The following PCDH9 variants were observed in gnomAD, a reference collection of about 807,000 sequenced individuals.
PCDH9 encodes protocadherin 9.
Under a neutral mutation model 70.6 loss-of-function variants are expected in PCDH9, and 24 were observed. The ratio of observed to expected loss-of-function variants is 0.34; its 90% confidence interval spans 0.25 to 0.48. The LOEUF (loss-of-function observed/expected upper bound fraction) is 0.48. Among genes scored for constraint, PCDH9 ranks in the 20% least tolerant of loss-of-function variants. The pLI is 0.99. For missense variants in PCDH9, 1,281 were observed against 1,503.6 expected (o/e 0.85, Z 2.45); for synonymous variants, 562 against 558.5 (o/e 1.01, Z -0.09).
At chr13:67,081,358 C>T (rs2085979425) in intron 2 of PCDH9, among the ~76,000 whole-genome samples, 1 of 152,162 alleles carries the variant, frequency 6.6e-6, no homozygotes, top group South Asian at 2.1e-4. Context: ...CACCTGAGGT[C>T]AAGAGCTCGA....
intron 3 of PCDH9, among the ~76,000 whole-genome samples, chr13:66,804,862 G>A (rs78443965): frequency 5.3e-5 from 8 of 152,072 alleles, no homozygotes; most frequent in Middle Eastern, 3.4e-3. Flanking sequence ...TTTCAAACAC[G>A]TTTGAGAGTG....
intron 2 of PCDH9, among the ~76,000 whole-genome samples, chr13:67,102,691 T>G (rs539898171): frequency 1.4e-4 from 21 of 152,268 alleles, no homozygotes; most frequent in African/African-American, 4.8e-4. Flanking sequence ...CAGGAATGAT[T>G]GAAACATTCT....
At chr13:66,986,342 A>T (rs923555744) in intron 2 of PCDH9, among the ~76,000 whole-genome samples, 1 of 152,046 alleles carries the variant, frequency 6.6e-6, no homozygotes, top group African/African-American at 2.4e-5. Flanking sequence ...TTGGGTGGGG[A>T]CACAGGCAAA....
At chr13:67,214,342 G>A (rs1012491522) in intron 2 of PCDH9, 2 of 152,132 alleles carry the variant, frequency 1.3e-5, no homozygotes, top group African/African-American at 4.8e-5. Context: ...ACTTCAACAG[G>A]GATGCTTTCC....
intron 3 of PCDH9, among the ~76,000 whole-genome samples, chr13:66,754,478 CAG>C (rs1390514826): frequency 6.6e-6 from 1 of 151,618 alleles, no homozygotes; most frequent in East Asian, 1.9e-4. Flanking sequence ...ATTGTAGGAT[CAG>C]GGAAGAGGCG....
At chr13:66,707,838 GT>G in intron 3 of PCDH9, among the ~76,000 whole-genome samples, 1 of 152,058 alleles carries the variant, frequency 6.6e-6, no homozygotes, top group Non-Finnish European at 1.5e-5. Flanking sequence ...TATTTACAAG[GT>G]TTAATATGCT....
At chr13:67,073,548 T>G (rs1256712990) in intron 2 of PCDH9, among the ~76,000 whole-genome samples, 1 of 152,072 alleles carries the variant, frequency 6.6e-6, no homozygotes, top group Non-Finnish European at 1.5e-5. Context: ...CCTTTAAAAT[T>G]TATTTGCTTT....
chr13:66,665,818 G>A (rs1288734876), intron 3 of PCDH9, among the ~76,000 whole-genome samples: 4 of 151,920 alleles, frequency 2.6e-5, no homozygotes, highest in African/African-American at 9.7e-5. Context: ...ATGCTAGAAA[G>A]ACTGGTTTAC....
At chr13:66,800,828 A>C (rs2080315002) in intron 3 of PCDH9, among the ~76,000 whole-genome samples, 1 of 152,092 alleles carries the variant, frequency 6.6e-6, no homozygotes, top group Admixed American at 6.6e-5. Context: ...TTCCTCACTT[A>C]AAAAGAGGAT....
intron 4 of PCDH9, among the ~76,000 whole-genome samples, chr13:66,548,848 A>G (rs1213488041): frequency 2.0e-5 from 3 of 152,142 alleles, no homozygotes; most frequent in African/African-American, 7.2e-5. Flanking sequence ...ACTTGAAAAG[A>G]ATCTTGAAGT....
intron 2 of PCDH9, among the ~76,000 whole-genome samples, chr13:67,138,087 TA>T (rs369877934): frequency 4.6e-5 from 7 of 151,640 alleles, no homozygotes; most frequent in East Asian, 1.9e-4. Flanking sequence ...TTAGCTAAAT[TA>T]AAAAAAAATT....
At chr13:66,477,216 C>A (rs1444831444) in intron 4 of PCDH9, among the ~76,000 whole-genome samples, 2 of 151,994 alleles carry the variant, frequency 1.3e-5, no homozygotes, top group African/African-American at 4.8e-5. Flanking sequence ...GTCAGACATA[C>A]CTGAAGGGTC....
intron 4 of PCDH9, among the ~76,000 whole-genome samples, chr13:66,354,322 A>G (rs1956343716): frequency 6.6e-6 from 1 of 152,174 alleles, no homozygotes; most frequent in African/African-American, 2.4e-5. Flanking sequence ...GGTATTTCAC[A>G]CTATACCAAT....
At chr13:66,332,809 CAT>C (rs776344142) in intron 4 of PCDH9, among the ~76,000 whole-genome samples, 6 of 149,274 alleles carry the variant, frequency 4.0e-5, no homozygotes, top group African/African-American at 5.0e-5. Context: ...TAAAGAAAGG[CAT>C]ATATATATAT....
At chr13:66,905,507 T>C (rs1423842208) in intron 2 of PCDH9, among the ~76,000 whole-genome samples, 1 of 152,162 alleles carries the variant, frequency 6.6e-6, no homozygotes, top group African/African-American at 2.4e-5. Flanking sequence ...ACAATTCTAA[T>C]GTGTAGCCAG....
chr13:66,548,887 A>C (rs1855019617), intron 4 of PCDH9, among the ~76,000 whole-genome samples: 1 of 152,096 alleles, frequency 6.6e-6, no homozygotes, highest in South Asian at 2.1e-4. Flanking sequence ...GCCATCGATA[A>C]TGTTTTTTAT....
At chr13:67,086,459 C>T (rs1226003861) in intron 2 of PCDH9, among the ~76,000 whole-genome samples, 2 of 152,134 alleles carry the variant, frequency 1.3e-5, no homozygotes, top group East Asian at 1.9e-4. Flanking sequence ...GCACATAGTT[C>T]GGCTGCCTCT....
chr13:66,305,062 G>A (rs1955440887), intron 4 of PCDH9, 34 bp from the exon 5 acceptor site: 1 of 1,537,292 alleles, frequency 6.5e-7, no homozygotes, highest in Non-Finnish European at 8.7e-7. Flanking sequence ...ATAAGAAAAG[G>A]AAGTGGTTAA....
At chr13:66,713,655 T>TATA (rs1474635736) in intron 3 of PCDH9, among the ~76,000 whole-genome samples, 9 of 63,660 alleles carry the variant, frequency 1.4e-4, no homozygotes, top group African/African-American at 4.9e-4. Flanking sequence ...ATATATATAA[T>TATA]GTACACACAC....
Sources: gnomAD v4.1 joint callset for allele counts (sites outside exome capture counted in the v4.1 genomes callset) on GRCh38, gnomAD v4.1.1 for gene constraint, MANE v1.5 for transcripts, NCBI Gene and HGNC (gene_info 2026-07-23, HGNC 2026-07-21) for gene names.